Variants in DNAI4 observed in about 807,000 individuals in gnomAD.
DNAI4 encodes WD repeat domain 78.
Under a neutral mutation model 105.8 loss-of-function variants are expected in DNAI4, and 85 were observed. The ratio of observed to expected loss-of-function variants is 0.80; its 90% CI spans 0.67 to 0.96. The LOEUF is 0.96. Ranked by LOEUF, DNAI4 falls within the 40% of genes least tolerant of loss-of-function variation. The probability of loss-of-function intolerance (pLI) is 0.00; values close to 1 mark genes in which losing one functional copy is unlikely to be tolerated. For missense variants in DNAI4, 1,014 were observed against 1,005.6 expected, an observed-to-expected ratio of 1.01 and a Z score of -0.11; for synonymous variants, 352 against 331.5, an observed-to-expected ratio of 1.06 and a Z score of -0.67.
At chr1:66,894,066 T>C (rs1648098885) in intron 2 of DNAI4, among the ~76,000 whole-genome samples, 1 of 152,248 alleles carries the variant, frequency 6.6e-6, no homozygotes, top group Non-Finnish European at 1.5e-5. Context: ...ATTATGCTTC[T>C]GGTTTATGTG....
intron 15 of DNAI4, among the ~76,000 whole-genome samples, chr1:66,824,937 A>G (rs1645717573): frequency 6.6e-6 from 1 of 152,172 alleles, no homozygotes; most frequent in Non-Finnish European, 1.5e-5. Context: ...ATGCCTTTCT[A>G]CTCAAGATTG....
chr1:66,841,095 G>C (rs1276859401), intron 8 of DNAI4, among the ~76,000 whole-genome samples: 2 of 152,168 alleles, frequency 1.3e-5, no homozygotes, highest in Non-Finnish European at 1.5e-5. Context: ...AGAAGCCCCT[G>C]AAATTTTGTC....
At chr1:66,863,457 T>G (rs1216760128) in intron 6 of DNAI4, among the ~76,000 whole-genome samples, 1 of 152,110 alleles carries the variant, frequency 6.6e-6, no homozygotes, top group Non-Finnish European at 1.5e-5. Flanking sequence ...GTTTGTTTAT[T>G]TGTTTGTTTT....
At chr1:66,829,730 TA>T (rs2100389910) in intron 13 of DNAI4, among the ~76,000 whole-genome samples, 1 of 152,320 alleles carries the variant, frequency 6.6e-6, no homozygotes, top group South Asian at 2.1e-4. Context: ...GAATGACATT[TA>T]TAGAATATTC....
chr1:66,913,664 T>C (rs757261800), intron 1 of DNAI4, among the ~76,000 whole-genome samples: 45 of 152,052 alleles, frequency 3.0e-4, no homozygotes, highest in Non-Finnish European at 2.9e-4. Flanking sequence ...GTCACAGACC[T>C]CTGGAGAGAG....
At chr1:66,893,053 A>AAGAAAGAAAG in intron 3 of DNAI4, among the ~76,000 whole-genome samples, 176 bp downstream of exon 3, 1 of 66,600 alleles carries the variant, frequency 1.5e-5, no homozygotes, top group African/African-American at 6.0e-5. Context: ...GAAAGAAAGA[A>AAGAAAGAAAG]AGAGAGAGAG....
intron 4 of DNAI4, among the ~76,000 whole-genome samples, chr1:66,888,256 T>C (rs572708461): frequency 6.6e-6 from 1 of 152,148 alleles, no homozygotes; most frequent in East Asian, 1.9e-4. Flanking sequence ...GACACAACTA[T>C]GGGAATTTTT....
intron 8 of DNAI4, among the ~76,000 whole-genome samples, chr1:66,845,621 T>G (rs189399293): frequency 1.3e-5 from 2 of 152,302 alleles, no homozygotes. Flanking sequence ...TCCCTCAGTG[T>G]GTGAATGGAC....
rs1165798741 is a variant in DNAI4 at position 66,813,011 on chromosome 1, C to A, written c.*1119G>T. On this transcript the variant is annotated 3_prime_UTR_variant, in exon 17 of 17. Transcript: ENST00000371026. ...AGTGGAAAATTTATAATCCTAATAA[C>A]CTGACCTAGGCTCTAAATCCATGTA... is the stretch of plus-strand genomic sequence containing the variant. The A allele has an allele frequency of 1.3e-5, 2 of 152,180 alleles. No individual in the cohort carries two copies. Among genetic ancestry groups the A allele is most frequent in the South Asian group, 2.1e-4 (1 of 4,830 alleles). 9.4% of individuals were successfully genotyped at this position (152,180 alleles called of 1,614,324 possible).
At position 66,890,841 on chromosome 1, in the gene DNAI4, A is replaced by G; in HGVS notation, c.643+313T>C. 1 of 369,594 alleles carries G rather than the reference A, an allele frequency of 2.7e-6. No individual in the cohort carries two copies. The highest frequency in any genetic ancestry group is 4.9e-6 in the Non-Finnish European group (1 of 202,208). 22.9% of individuals were successfully genotyped at this position (369,594 alleles called of 1,614,324 possible). A position where few individuals can be genotyped will look rare whatever the true frequency, so the allele number is the denominator to read the frequency against. On this transcript the variant is annotated intron_variant, in intron 4 of 16. Transcript: ENST00000371026. The surrounding 1 kb of genome is among the most constrained non-coding windows in gnomAD (Gnocchi z 4.1). ...AGAGGAAAAGAGGAAGAGGAAGAAA[A>G]GGAAGAGGAAGAAGAAGAGGAAGAG...
chr1:66,846,070 G>T (rs1449726591), intron 8 of DNAI4, among the ~76,000 whole-genome samples: 1 of 151,728 alleles, frequency 6.6e-6, no homozygotes, highest in Non-Finnish European at 1.5e-5. Flanking sequence ...TTATTTCTTA[G>T]ATGTGTTGAA....
chr1:66,886,981 G>A (rs1321396548), intron 4 of DNAI4, among the ~76,000 whole-genome samples: 1 of 151,876 alleles, frequency 6.6e-6, no homozygotes, highest in East Asian at 1.9e-4. Context: ...AAAAAAAGGG[G>A]AAGGAGTGTT....
intron 6 of DNAI4, among the ~76,000 whole-genome samples, chr1:66,863,840 T>C (rs537871900): frequency 2.1e-4 from 32 of 152,212 alleles, no homozygotes; most frequent in Non-Finnish European, 4.4e-4. Context: ...AACAAAGTCA[T>C]GCACAGAATA....
chr1:66,855,613 A>T (rs1646484111), intron 7 of DNAI4, among the ~76,000 whole-genome samples: 1 of 152,204 alleles, frequency 6.6e-6, no homozygotes, highest in Non-Finnish European at 1.5e-5. Flanking sequence ...ATTATCCGAG[A>T]TAAAGAGGGG....
At chr1:66,834,598 TTTCACTCTTCCTCCTATGC>T (rs1169173563) in intron 11 of DNAI4, among the ~76,000 whole-genome samples, 1 of 152,122 alleles carries the variant, frequency 6.6e-6, no homozygotes, top group Non-Finnish European at 1.5e-5. Flanking sequence ...TCTTTCTATA[TTTCACTCTTCCTCCTATGC>T]TTCAAGATTG....
In DNAI4 at chr1:66,814,125, A is replaced by G; in HGVS notation, c.*5T>C. On this transcript the variant is annotated 3_prime_UTR_variant, in exon 17 of 17. Transcript: ENST00000371026. ...AACTACAAGAAAAATATTAGGAATG[A>G]TGAATTATGCTGATTGGTTTGACTT... 1.9e-6 allele frequency: 3 copies of G among 1,585,988 alleles called. No individual in the cohort carries two copies. The highest frequency in any genetic ancestry group is 2.6e-6 in the Non-Finnish European group (3 of 1,174,958).
intron 2 of DNAI4, among the ~76,000 whole-genome samples, chr1:66,900,326 C>A (rs556462768): frequency 2.0e-5 from 3 of 152,210 alleles, no homozygotes; most frequent in African/African-American, 7.2e-5. Context: ...GTCTCGAACT[C>A]CTGGTCTCAG....
chr1:66,864,578 G>A (rs1177875743), intron 6 of DNAI4, among the ~76,000 whole-genome samples: 2 of 152,214 alleles, frequency 1.3e-5, no homozygotes, highest in African/African-American at 4.8e-5. Context: ...TAGGCCAGGC[G>A]CGGTGGCTCA....
chr1:66,823,729 G>A (rs1645685370), intron 15 of DNAI4, among the ~76,000 whole-genome samples: 2 of 146,882 alleles, frequency 1.4e-5, no homozygotes, highest in South Asian at 2.2e-4. Flanking sequence ...GTCTGTTCAT[G>A]TCCTTCGCCC....
Sources: allele counts gnomAD v4.1 joint callset (sites outside exome capture counted in the v4.1 genomes callset), GRCh38; gene constraint gnomAD v4.1.1; non-coding constraint Gnocchi (gnomAD v3.1); transcripts MANE v1.5; gene names NCBI Gene and HGNC (gene_info 2026-07-23, HGNC 2026-07-21).